The following ARHGAP45 variants were observed in gnomAD, a reference collection of about 807,000 sequenced individuals.
ARHGAP45 encodes rho GTPase-activating protein 45.
In ARHGAP45, 56 loss-of-function variants were observed where a neutral mutation model predicts 116.1. The observed-to-expected ratio is 0.48, with a 90% CI of 0.39 to 0.60. The LOEUF (loss-of-function observed/expected upper bound fraction) is 0.60, where lower values mean the gene tolerates loss of function less well. ARHGAP45 is among the 20% of genes least tolerant of loss of function. The pLI is 0.00. For synonymous variants in ARHGAP45, 866 were observed against 701.7 expected (o/e 1.23, Z -3.70); for missense variants, 1,622 against 1,601.0 (o/e 1.01, Z -0.22).
At chr19:1,070,639 G>T (rs1042122638) in intron 2 of ARHGAP45, among the ~76,000 whole-genome samples, 1 of 151,548 alleles carries the variant, frequency 6.6e-6, no homozygotes. Flanking sequence ...GAGCCATCGC[G>T]CCCGGCCAGT....
At chr19:1,075,098 A>G (rs1441328282) in intron 10 of ARHGAP45, among the ~76,000 whole-genome samples, 2 of 151,226 alleles carry the variant, frequency 1.3e-5, no homozygotes, top group East Asian at 3.9e-4. Flanking sequence ...GGAAGGACCC[A>G]GGAGCCCGGC....
chr19:1,074,759 G>A (rs2043206783), intron 9 of ARHGAP45, 35 bp downstream of exon 9: 5 of 1,597,396 alleles, frequency 3.1e-6, no homozygotes, highest in Non-Finnish European at 4.3e-6. Flanking sequence ...CTGGGCGGGG[G>A]TGTCACCGGG....
chr19:1,075,019 G>A, intron 10 of ARHGAP45, 140 bp downstream of exon 10: 2 of 563,256 alleles, frequency 3.6e-6, no homozygotes, highest in Admixed American at 7.3e-5. Context: ...GGCCTCGCAG[G>A]CTGGGCCGCC....
In ARHGAP45 at chr19:1,083,104, C is replaced by G. The variant is rs1599772830; in HGVS notation, c.2744+38C>G. ...ATATGGAGTGGAGGGCGCGGGGTCCCGGGAGCCGCTCAGCACCTGGCCCCT... is the reference window on the plus strand; with the variant it reads ...ATATGGAGTGGAGGGCGCGGGGTCCGGGGAGCCGCTCAGCACCTGGCCCCT... On this transcript the variant is annotated intron_variant, in intron 20 of 22. Coordinates refer to ENST00000313093, the MANE Select transcript of ARHGAP45 (RefSeq NM_012292.5). The G allele has an allele frequency of 3.2e-6, 5 of 1,571,838 alleles. No homozygotes were observed. In the East Asian group the frequency reaches 1.2e-4, roughly 37 times the overall value.
chr19:1,085,517 C>CTCCTGTCTCTCCCCATCTT (rs1281278444), intron 22 of ARHGAP45, 143 bp from the exon 23 acceptor site: 11 of 630,858 alleles, frequency 1.7e-5, no homozygotes, highest in African/African-American at 6.5e-5. Context: ...TCCTCCATCT[C>CTCCTGTCTCTCCCCATCTT]TCCTGTCTCT....
At chr19:1,082,792 G>A (rs1429002434) in intron 19 of ARHGAP45, 48 bp from the exon 20 acceptor site, 1 of 1,417,498 alleles carries the variant, frequency 7.1e-7, no homozygotes, top group Non-Finnish European at 9.3e-7. Context: ...GCACACGTGG[G>A]GGCTGGGCCA....
chr19:1,085,993 C>A lies in ARHGAP45; in HGVS notation c.3398C>A (p.Pro1133Gln). 6.2e-7 allele frequency: 1 copy of A among 1,612,008 alleles called. No homozygotes were observed. Among genetic ancestry groups the A allele is most frequent in the South Asian group, 1.1e-5 (1 of 90,996 alleles). ...MTLGSCRERQ[P>Q]EFV ...CTGGGCTCCTGCAGGGAAAGGCAGC[C>A]GGAATTCGTGTGAGCTGGGGTGGGG... The change falls in exon 23 of 23, where the codon CCG (proline) becomes CAG (glutamine). Residue 1133 changes from proline to glutamine, a missense_variant. Pro to Gln is a moderately conservative substitution (Grantham distance 76). This residue lies in a region of ARHGAP45 where 1,334 missense variants were observed against 1,263.8 expected (regional missense o/e 1.06). Transcript: ENST00000313093.
In ARHGAP45 at chr19:1,079,906, C is replaced by CG. The variant is rs746435873; in HGVS notation, c.1513-21dup. ...CCGGGCGGCCTCCTCCTGACCCCTC[C>CG]GCTCTCCGGTGCCGCCCGCAGGCCA... On this transcript the variant is annotated intron_variant, in intron 12 of 22. Transcript: ENST00000313093. 4.3e-5 allele frequency: 69 copies of CG among 1,600,180 alleles called. No homozygotes were observed. In the East Asian group the frequency reaches 1.1e-3, roughly 26 times the overall value.
chr19:1,069,291 C>T lies in ARHGAP45; in HGVS notation c.421+547C>T, dbSNP rs1188053865. 6.6e-6 allele frequency among the ~76,000 whole-genome samples: 1 copy of T among 152,134 alleles called. No individual in the cohort carries two copies. Among genetic ancestry groups the T allele is most frequent in the African/African-American group, 2.4e-5 (1 of 41,444 alleles). On this transcript the variant is annotated intron_variant, in intron 2 of 22. Coordinates refer to ENST00000313093, the MANE Select transcript of ARHGAP45 (RefSeq NM_012292.5). The surrounding 1 kb of genome is among the most constrained non-coding windows in gnomAD (Gnocchi z 4.1). ...GGAGGTGCTGGGACCCAGCGGCCTG[C>T]AGGCCGGCAGTTCCGTTTTCTCCTC... is the stretch of plus-strand genomic sequence containing the variant.
chr19:1,079,756 G>T lies in ARHGAP45; in HGVS notation c.1428G>T (p.Gln476His). 8.1e-6 allele frequency: 13 copies of T among 1,612,624 alleles called. No homozygotes were observed. Among genetic ancestry groups the T allele is most frequent in the Non-Finnish European group, 1.1e-5 (13 of 1,179,714 alleles). ...YRTCVADAKT[Q>H]KQELEDTKVT... is the part of the protein sequence containing the mutation. ...CCTGCGTGGCCGACGCGAAGACGCA[G>T]AAGCAGGAGCTGGAGGATACCAAGG... Residue 476 changes from glutamine (Q) to histidine (H), a missense_variant, in exon 12 of 23, where the codon CAG becomes CAT. By Grantham distance (24) the Gln-to-His change is conservative. Coordinates refer to ENST00000313093, the MANE Select transcript of ARHGAP45 (RefSeq NM_012292.5).
Position 1,071,061 on chromosome 19 carries a change from G to A in ARHGAP45, c.422-2088G>A, listed in dbSNP as rs1487432699. Among the ~76,000 whole-genome samples, 1 of 152,198 alleles carries A rather than the reference G, an allele frequency of 6.6e-6. No homozygotes were observed. The highest frequency in any genetic ancestry group is 2.4e-5 in the African/African-American group (1 of 41,466). ...ACTTCCCGGGCTTCCTCGTTCCCGGGCTTCAGGTCTGGGCCTCAGTTTCCC... is the reference window on the plus strand; with the variant it reads ...ACTTCCCGGGCTTCCTCGTTCCCGGACTTCAGGTCTGGGCCTCAGTTTCCC... On this transcript the variant is annotated intron_variant, in intron 2 of 22. Coordinates refer to ENST00000313093, the MANE Select transcript of ARHGAP45 (RefSeq NM_012292.5). This position sits in a 1 kb window ranked among gnomAD's most constrained non-coding sequence, Gnocchi z 4.6.
chr19:1,077,632 T>G, intron 10 of ARHGAP45: 2 of 1,408,342 alleles, frequency 1.4e-6, no homozygotes, highest in South Asian at 3.0e-5. Flanking sequence ...GTGATCCACC[T>G]GCCTCGGCCT....
In ARHGAP45 at chr19:1,080,123, C is replaced by CG. The variant is rs770534283; in HGVS notation, c.1703+6dup. On this transcript the variant is annotated splice_donor_region_variant and intron_variant, in intron 13 of 22. Transcript: ENST00000313093. ...CCACGTCTCCGCCAACGCCTGGTAC[C>CG]GCCACCCAGCTGCCCTGTCCCCGGC... The CG allele has an allele frequency of 1.2e-5, 20 of 1,611,100 alleles. No individual in the cohort carries two copies. The highest frequency in any genetic ancestry group is 1.5e-5 in the Non-Finnish European group (18 of 1,179,116).
chr19:1,084,413 C>T (rs2043539862), intron 22 of ARHGAP45, 67 bp downstream of exon 22: 2 of 1,273,228 alleles, frequency 1.6e-6, no homozygotes, highest in African/African-American at 1.5e-5. Context: ...GCGCAGGTGC[C>T]ATGACCTAGT....
rs546916938 is a variant in ARHGAP45, at chr19:1,074,648, C to A, written c.1028C>A (p.Ala343Asp). 1.6e-5 allele frequency: 25 copies of A among 1,608,586 alleles called. No individual in the cohort carries two copies. The Admixed American group carries it at 2.3e-4, about 15-fold the overall frequency. The change falls in exon 9 of 23, where the codon GCC (alanine) becomes GAC (aspartate). Residue 343 changes from alanine to aspartate, a missense_variant. Transcript: ENST00000313093. The stretch of plus-strand genomic sequence containing the variant: ...CCGCTCCTGTCCATCTACTCGCTGG[C>A]CCTGGAGCAGGACCTGGAGTTCGGC... ...HMPLLSIYSL[A>D]LEQDLEFGHS...
chr19:1,073,458 C>A (rs998765070), intron 3 of ARHGAP45, 48 bp from the exon 4 acceptor site: 2 of 1,587,194 alleles, frequency 1.3e-6, no homozygotes, highest in South Asian at 2.2e-5. Context: ...CAGGGATGGT[C>A]ACCTCCCAGA....
At chr19:1,073,366 G>C in intron 3 of ARHGAP45, 74 bp downstream of exon 3, 1 of 1,588,796 alleles carries the variant, frequency 6.3e-7, no homozygotes, top group Non-Finnish European at 8.6e-7. Context: ...TGTTTGAAGT[G>C]GGTTTTGAAG....
intron 10 of ARHGAP45, among the ~76,000 whole-genome samples, chr19:1,075,307 A>G (rs1278401842): frequency 1.4e-5 from 2 of 141,314 alleles, no homozygotes; most frequent in Admixed American, 7.6e-5. Context: ...CCATGGCACC[A>G]TCTAGGCTTT....
Position 1,069,391 on chromosome 19 carries a change from C to T in ARHGAP45, c.421+647C>T, listed in dbSNP as rs148804811. Among the ~76,000 whole-genome samples the T allele has an allele frequency of 1.3e-5, 2 of 152,234 alleles. No homozygotes were observed. Among genetic ancestry groups the T allele is most frequent in the South Asian group, 2.1e-4 (1 of 4,836 alleles). ...TCCTGTTTGTCCCTGGCAGCCCAGG[C>T]GGGCACCTCATGTGCTGCCTTCAGC... On this transcript the variant is annotated intron_variant, in intron 2 of 22. Coordinates refer to ENST00000313093, the MANE Select transcript of ARHGAP45 (RefSeq NM_012292.5). The surrounding 1 kb of genome is among the most constrained non-coding windows in gnomAD (Gnocchi z 4.1).
Sources: gnomAD v4.1 joint callset for allele counts (sites outside exome capture counted in the v4.1 genomes callset) on GRCh38, gnomAD v4.1.1 for gene constraint, gnomAD v4.1.1 regional missense constraint, Gnocchi (gnomAD v3.1) non-coding constraint, MANE v1.5 for transcripts, NCBI Gene and HGNC (gene_info 2026-07-23, HGNC 2026-07-21) for gene names.